GAS2: variants seen among roughly 807,000 people sequenced by gnomAD.
GAS2 encodes growth arrest-specific protein 2.
A neutral mutation model predicts 37.5 loss-of-function variants in GAS2; 20 were observed. The observed-to-expected ratio is 0.53, with a 90% confidence interval of 0.37 to 0.77. The LOEUF (loss-of-function observed/expected upper bound fraction) is 0.77. Among genes scored for constraint, GAS2 ranks in the 30% least tolerant of loss-of-function variants. The pLI is 0.00. For missense variants in GAS2, 336 were observed against 373.4 expected, an observed-to-expected ratio of 0.90 and a Z score of 0.82; for synonymous variants, 144 against 132.2, an observed-to-expected ratio of 1.09 and a Z score of -0.61.
chr11:22,627,772 C>G (rs1011861769), intron 1 of GAS2, among the ~76,000 whole-genome samples: 1 of 137,702 alleles, frequency 7.3e-6, no homozygotes, highest in Non-Finnish European at 1.5e-5. Flanking sequence ...AAGACTCCAT[C>G]TCAAAAAAAA....
intron 1 of GAS2, among the ~76,000 whole-genome samples, chr11:22,659,177 T>G (rs569583644): frequency 6.6e-6 from 1 of 152,210 alleles, no homozygotes; most frequent in Non-Finnish European, 1.5e-5. Flanking sequence ...AGGCGATTAA[T>G]GTGTGAAACT....
At chr11:22,796,483 A>C (rs551590270) in intron 7 of GAS2, among the ~76,000 whole-genome samples, 110 of 152,262 alleles carry the variant, frequency 7.2e-4, no homozygotes, top group South Asian at 3.7e-3. Context: ...TTGACTTTGT[A>C]ACATTTTTCT....
chr11:22,667,987 A>G (rs531180250), intron 1 of GAS2: 2 of 152,238 alleles, frequency 1.3e-5, no homozygotes, highest in African/African-American at 2.4e-5. Flanking sequence ...TGCCAAGGAA[A>G]TAAGATCTGC....
At chr11:22,662,459 T>G (rs1393241884), upstream of GAS2, among the ~76,000 whole-genome samples, 1 of 152,198 alleles carries the variant, frequency 6.6e-6, no homozygotes, top group Admixed American at 6.5e-5. Flanking sequence ...TTTCAACAAT[T>G]ATTGAGTGTC....
In GAS2 at chr11:22,794,497, C is replaced by G. The variant is rs138986946; in HGVS notation, c.724-17301C>G. 2.6e-5 allele frequency among the ~76,000 whole-genome samples: 4 copies of G among 152,226 alleles called. No individual in the cohort carries two copies. The East Asian group carries it at 7.7e-4, about 29-fold the overall frequency. ...GTAGCAGGAGTAGGAAGATGACGAT[C>G]TAGCCATCTTTTCTCTCCCCTTCCC... On this transcript the variant is annotated intron_variant, in intron 7 of 7. Coordinates refer to ENST00000454584, the MANE Select transcript of GAS2 (RefSeq NM_001143830.3).
intron 3 of GAS2, among the ~76,000 whole-genome samples, chr11:22,694,575 G>A (rs967224881): frequency 6.6e-6 from 1 of 152,144 alleles, no homozygotes; most frequent in African/African-American, 2.4e-5. Flanking sequence ...AATAGAATGT[G>A]GAATTTTTTC....
At chr11:22,641,200 T>TTATATATATATATA (rs370488494) in intron 1 of GAS2, among the ~76,000 whole-genome samples, 1 of 135,342 alleles carries the variant, frequency 7.4e-6, no homozygotes, top group Non-Finnish European at 1.6e-5. Flanking sequence ...GGTTCTTTCT[T>TTATATATATATATA]TATATATATA....
At chr11:22,760,137 ATTTTTTTT>A (rs76734031) in intron 7 of GAS2, among the ~76,000 whole-genome samples, 2 of 144,228 alleles carry the variant, frequency 1.4e-5, no homozygotes, top group African/African-American at 5.1e-5. Context: ...TTAATTTTTA[ATTTTTTTT>A]TTTTTTTGTA....
At position 22,768,386 on chromosome 11, in the gene GAS2, T is replaced by C. The variant is rs114701402; in HGVS notation, c.723+12433T>C. Among the ~76,000 whole-genome samples, 827 of 152,338 alleles carry C rather than the reference T, an allele frequency of 5.4e-3. 7 individuals carry two copies. Among genetic ancestry groups the C allele is most frequent in the African/African-American group, 0.018 (760 of 41,574 alleles). On this transcript the variant is annotated intron_variant, in intron 7 of 7. Coordinates refer to ENST00000454584, the MANE Select transcript of GAS2 (RefSeq NM_001143830.3). ...AATCACTACATCAAGGTGTTATTCA[T>C]CTCCCAATTGTAGCTTTCTTTTACA...
intron 1 of GAS2, among the ~76,000 whole-genome samples, chr11:22,648,902 C>A (rs1848737342): frequency 6.6e-6 from 1 of 151,800 alleles, no homozygotes; most frequent in Non-Finnish European, 1.5e-5. Context: ...ATTGAATACC[C>A]TTTATTTCCT....
intron 3 of GAS2, among the ~76,000 whole-genome samples, chr11:22,693,651 A>T (rs1850359473): frequency 6.6e-6 from 1 of 152,208 alleles, no homozygotes; most frequent in South Asian, 2.1e-4. Flanking sequence ...TATAAAAATA[A>T]CATCTAATGT....
At chr11:22,701,264 T>A (rs949978447) in intron 3 of GAS2, among the ~76,000 whole-genome samples, 4 of 152,208 alleles carry the variant, frequency 2.6e-5, no homozygotes, top group African/African-American at 9.7e-5. Context: ...ATATTGAATA[T>A]TACCAACAAC....
intron 7 of GAS2, among the ~76,000 whole-genome samples, chr11:22,804,704 T>G (rs1036932432): frequency 1.3e-5 from 2 of 152,084 alleles, no homozygotes; most frequent in African/African-American, 4.8e-5. Flanking sequence ...GAGTAAATGA[T>G]AAGTGTAGAT....
At chr11:22,704,435 G>A (rs1474649394) in intron 3 of GAS2, among the ~76,000 whole-genome samples, 1 of 151,246 alleles carries the variant, frequency 6.6e-6, no homozygotes, top group Non-Finnish European at 1.5e-5. Flanking sequence ...GTAGAGAAGA[G>A]AGTAAACCCA....
chr11:22,662,420 C>T (rs183713990), upstream of GAS2, among the ~76,000 whole-genome samples: 13 of 152,260 alleles, frequency 8.5e-5, no homozygotes, highest in Non-Finnish European at 1.5e-4. Context: ...TTTTCTAAGA[C>T]ACCAGCTTCT....
intron 3 of GAS2, among the ~76,000 whole-genome samples, chr11:22,686,173 T>C (rs1309265234): frequency 6.6e-6 from 1 of 152,194 alleles, no homozygotes; most frequent in Non-Finnish European, 1.5e-5. Context: ...TATGGCAGAA[T>C]ACTAGAACAA....
At chr11:22,655,084 C>G (rs1298393103) in intron 1 of GAS2, among the ~76,000 whole-genome samples, 2 of 152,148 alleles carry the variant, frequency 1.3e-5, no homozygotes, top group South Asian at 2.1e-4. Flanking sequence ...CTCCCTACTG[C>G]CCTTCATGTT....
At chr11:22,738,223 T>G (rs1554976710) in intron 5 of GAS2, among the ~76,000 whole-genome samples, 3 of 152,354 alleles carry the variant, frequency 2.0e-5, no homozygotes, top group Non-Finnish European at 4.4e-5. Context: ...AGTTTCCACT[T>G]CTGACTAGGA....
At chr11:22,704,660 G>T (rs1023675642) in intron 3 of GAS2, among the ~76,000 whole-genome samples, 1 of 132,688 alleles carries the variant, frequency 7.5e-6, no homozygotes, top group Non-Finnish European at 1.6e-5. Context: ...TCCCAGAAAA[G>T]AACCCTTTCT....
Sources: gnomAD v4.1 joint callset for allele counts (sites outside exome capture counted in the v4.1 genomes callset) on GRCh38, gnomAD v4.1.1 for gene constraint, MANE v1.5 for transcripts, NCBI Gene and HGNC (gene_info 2026-07-23, HGNC 2026-07-21) for gene names.